Variants in SMG1 observed in about 807,000 individuals in gnomAD.
The protein encoded by SMG1 is SMG1 nonsense mediated mRNA decay associated PI3K related kinase, also known as serine/threonine-protein kinase SMG1.
SMG1 carries 22 observed loss-of-function variants against 419.9 expected under a neutral mutation model. That is an observed-to-expected ratio of 0.05 (90% confidence interval 0.04 to 0.07). SMG1 has a LOEUF of 0.07. SMG1 is among the 10% of genes least tolerant of loss of function. The pLI, the probability that SMG1 is intolerant of heterozygous loss-of-function variation, is 1.00. For missense variants in SMG1, 3,185 were observed against 4,342.0 expected, an observed-to-expected ratio of 0.73 and a Z score of 7.49; for synonymous variants, 1,538 against 1,553.5, an observed-to-expected ratio of 0.99 and a Z score of 0.23.
chr16:18,813,723 A>C (rs1294876544), intron 60 of SMG1, among the ~76,000 whole-genome samples: 2 of 152,170 alleles, frequency 1.3e-5, no homozygotes, highest in Admixed American at 1.3e-4. Context: ...TGTTTTAGAC[A>C]TGGAGTCCTT....
Position 18,837,414 on chromosome 16 carries a change from C to T in SMG1, c.7443G>A (p.Met2481Ile). 6.2e-7 allele frequency: 1 copy of T among 1,613,868 alleles called. No homozygotes were observed. The highest frequency in any genetic ancestry group is 8.5e-7 in the Non-Finnish European group (1 of 1,179,820). The change falls in exon 46 of 63, where the codon ATG (methionine) becomes ATA (isoleucine). Residue 2481 changes from methionine (M) to isoleucine (I), a missense_variant. This residue lies in a region of SMG1 where 412 missense variants were observed against 546.6 expected (regional missense o/e 0.75). Transcript: ENST00000446231. Reference sequence around the variant, plus strand: ...CGTCCAACTTGGGAAGCACAACCAGCATCTCATCTCTATTCTTAAACCAGT... The same window carrying T: ...CGTCCAACTTGGGAAGCACAACCAGTATCTCATCTCTATTCTTAAACCAGT... ...KVNWFKNRDE[M>I]LVVLPKLDGS...
intron 55 of SMG1, 99 bp from the exon 56 acceptor site, chr16:18,819,753 G>C: frequency 8.4e-7 from 1 of 1,196,536 alleles, no homozygotes; most frequent in Non-Finnish European, 1.1e-6. Flanking sequence ...AAAAGAACCA[G>C]GGTGGACACA....
intron 62 of SMG1, among the ~76,000 whole-genome samples, chr16:18,810,139 C>T (rs747149523): frequency 1.3e-4 from 20 of 152,030 alleles, no homozygotes; most frequent in Non-Finnish European, 2.5e-4. Context: ...TAATTTTTAT[C>T]CCACAGGAAA....
In SMG1 at chr16:18,841,575, T is replaced by C; in HGVS notation, c.6686A>G (p.Gln2229Arg). The change falls in exon 41 of 63, where the codon CAA (glutamine) becomes CGA (arginine). Residue 2229 changes from glutamine to arginine, a missense_variant. By Grantham distance (43) the Gln-to-Arg change is conservative (BLOSUM62 1). Coordinates refer to ENST00000446231, the MANE Select transcript of SMG1 (RefSeq NM_015092.5). ...GATGATTTAATCAACCTTTTGTGCT[T>C]GTAAGGCAGCTTCCCGTTGTTGCCA... ...KRWQQREAAL[Q>R]AQKAQDSYQT... 1 of 1,612,372 alleles carries C rather than the reference T, an allele frequency of 6.2e-7. No individual in the cohort carries two copies. The highest frequency in any genetic ancestry group is 8.5e-7 in the Non-Finnish European group (1 of 1,179,272).
intron 23 of SMG1, among the ~76,000 whole-genome samples, chr16:18,865,335 C>T (rs1489440494): frequency 6.6e-6 from 1 of 152,064 alleles, no homozygotes; most frequent in East Asian, 1.9e-4. Context: ...CTCAGTGACT[C>T]TCAGTATCCA....
rs981843353 is a variant in SMG1, at chr16:18,834,213, G to A, written c.8556C>T (p.Thr2852=). Residue 2852 remains threonine (T), a synonymous_variant, in exon 50 of 63, where the codon ACC becomes ACT. Transcript: ENST00000446231. ...ETVHLANGVY[T]SLQELNSNFR... is the part of the protein sequence containing the mutation. ...AAATAAAAGTGTTCACCTGAAGTGA[G>A]GTATACACTCCATTGGCTAAGTGAA... 6.9e-6 allele frequency: 11 copies of A among 1,589,692 alleles called. No individual in the cohort carries two copies. The South Asian group carries it at 9.1e-5, about 13-fold the overall frequency.
intron 18 of SMG1, 59 bp from the exon 19 acceptor site, chr16:18,870,053 A>G: frequency 8.9e-7 from 1 of 1,126,386 alleles, no homozygotes. Flanking sequence ...GTTAGCACAT[A>G]CTGTAAGTGG....
At chr16:18,868,988 T>C in intron 20 of SMG1, 116 bp downstream of exon 20, 2 of 889,688 alleles carry the variant, frequency 2.2e-6, no homozygotes, top group Non-Finnish European at 3.5e-6. Flanking sequence ...ACCTGAAAAT[T>C]ATTGACTTTT....
chr16:18,899,168 T>C (rs969149809), intron 1 of SMG1, among the ~76,000 whole-genome samples: 5 of 152,154 alleles, frequency 3.3e-5, no homozygotes, highest in Non-Finnish European at 5.9e-5. Context: ...ACAGTCAATA[T>C]AGAGCAACTT....
In SMG1 at chr16:18,870,589, G is replaced by C. The variant is rs761403560; in HGVS notation, c.2492+21C>G. 3.5e-6 allele frequency: 5 copies of C among 1,443,978 alleles called. No homozygotes were observed. The African/African-American group carries it at 7.0e-5, about 20-fold the overall frequency. The allele number at this position is 1,443,978 out of a possible 1,614,324, so 89.4% of individuals were successfully genotyped here. A position where few individuals can be genotyped will look rare whatever the true frequency, so the allele number is the denominator to read the frequency against. On this transcript the variant is annotated intron_variant, in intron 18 of 62. Coordinates refer to ENST00000446231, the MANE Select transcript of SMG1 (RefSeq NM_015092.5). ...GCTGTAAATATCACAGAATGTCTTT[G>C]CTCCAAAACAACTGTTATACCTTAG...
chr16:18,841,600 A>G lies in SMG1; in HGVS notation c.6661T>C (p.Trp2221Arg), dbSNP rs749923865. 2 of 1,613,950 alleles carry G rather than the reference A, an allele frequency of 1.2e-6. No individual in the cohort carries two copies. Among genetic ancestry groups the G allele is most frequent in the Non-Finnish European group, 1.7e-6 (2 of 1,179,882 alleles). The change falls in exon 41 of 63, where the codon TGG becomes CGG. Residue 2221 changes from tryptophan (W) to arginine (R), a missense_variant. Trp to Arg is a moderately radical substitution (Grantham distance 101, BLOSUM62 -3). Around this residue, in one of 27 missense-constraint regions of SMG1, gnomAD observed 132 missense variants for 151.0 expected, o/e 0.87. Transcript: ENST00000446231. ...TGTAAGGCAGCTTCCCGTTGTTGCC[A>G]TCGTTTGTAAAGACCAAATAAGGGT... The part of the protein sequence containing the change: ...ATPLFGLYKR[W>R]QQREAALQAQ...
At position 18,811,173 on chromosome 16, in the gene SMG1, A is replaced by G. The variant is rs138567322; in HGVS notation, c.10908+588T>C. 6.9e-4 allele frequency among the ~76,000 whole-genome samples: 105 copies of G among 152,336 alleles called. 1 individual carries two copies. The East Asian group carries it at 0.018, about 25-fold the overall frequency. On this transcript the variant is annotated intron_variant, in intron 62 of 62. Coordinates refer to ENST00000446231, the MANE Select transcript of SMG1 (RefSeq NM_015092.5). ...GAGATTTTGGAATATATACATGTAT[A>G]TAATGAGGAACTTGGTGGTGGGATG...
At chr16:18,861,411 C>T (rs958672224) in intron 25 of SMG1, 18 of 151,940 alleles carry the variant, frequency 1.2e-4, no homozygotes, top group African/African-American at 4.1e-4. Flanking sequence ...TATGCTGCTC[C>T]TTTCAGATCC....
Position 18,926,134 on chromosome 16 carries a change from C to G in SMG1, c.-93G>C, listed in dbSNP as rs996597820. 2.5e-6 allele frequency: 3 copies of G among 1,187,462 alleles called. No homozygotes were observed. The highest frequency in any genetic ancestry group is 3.2e-5 in the African/African-American group (2 of 62,030). The allele number at this position is 1,187,462 out of a possible 1,614,324, so 73.6% of individuals were successfully genotyped here. On this transcript the variant is annotated 5_prime_UTR_variant, in exon 1 of 63. Coordinates refer to ENST00000446231, the MANE Select transcript of SMG1 (RefSeq NM_015092.5). ...CCGCCGCCGACACCCCGCTCCGGCC[C>G]GGGGCTGAGGAGGAAGCCGAGAAGG...
intron 13 of SMG1, among the ~76,000 whole-genome samples, chr16:18,872,908 C>T (rs562945828): frequency 3.0e-4 from 46 of 152,202 alleles, no homozygotes; most frequent in Middle Eastern, 3.4e-3. Context: ...AATCCTAGCA[C>T]TTTGGGAGGG....
At chr16:18,914,385 GTTGA>G (rs1466768612) in intron 1 of SMG1, among the ~76,000 whole-genome samples, 1 of 152,018 alleles carries the variant, frequency 6.6e-6, no homozygotes, top group African/African-American at 2.4e-5. Flanking sequence ...TTAGAAATCT[GTTGA>G]TTCTAGGCCA....
chr16:18,898,877 G>A (rs1363182292), intron 1 of SMG1, among the ~76,000 whole-genome samples: 2 of 152,112 alleles, frequency 1.3e-5, no homozygotes, highest in Non-Finnish European at 2.9e-5. Flanking sequence ...AAAGATCTGG[G>A]CTCAAATCCC....
At position 18,885,199 on chromosome 16, in the gene SMG1, T is replaced by C; in HGVS notation, c.949-37A>G. 4 of 674,480 alleles carry C rather than the reference T, an allele frequency of 5.9e-6. 1 individual carries two copies. The South Asian group carries it at 7.2e-5, about 12-fold the overall frequency. 41.8% of individuals were successfully genotyped at this position (674,480 alleles called of 1,614,324 possible). On this transcript the variant is annotated intron_variant, in intron 7 of 62. Transcript: ENST00000446231. ...CAAAGAGAGAGGGGGCCAATCATTT[T>C]AAGATATTACTGCCATTCACCTGTG...
Position 18,850,391 on chromosome 16 carries a change from T to A in SMG1, c.5129A>T (p.Gln1710Leu), listed in dbSNP as rs201273916. 1.4e-4 allele frequency: 219 copies of A among 1,614,002 alleles called. No individual in the cohort carries two copies. Among genetic ancestry groups the A allele is most frequent in the Admixed American group, 4.0e-4 (24 of 60,032 alleles). The change falls in exon 34 of 63, where the codon CAG (glutamine) becomes CTG (leucine). Residue 1710 changes from glutamine to leucine, a missense_variant. Transcript: ENST00000446231. ...EDDMVDVIWR[Q>L]LISSCPWLSE... ...AAGCCATGGGCAGCTTGATATCAAC[T>A]GACGCCAGATAACATCAACCATGTC...
Sources: allele counts gnomAD v4.1 joint callset (sites outside exome capture counted in the v4.1 genomes callset), GRCh38; gene constraint gnomAD v4.1.1; regional missense constraint gnomAD v4.1.1; transcripts MANE v1.5; gene names NCBI Gene and HGNC (gene_info 2026-07-23, HGNC 2026-07-21).